The following RHOBTB1 variants were observed in gnomAD, a reference collection of about 807,000 sequenced individuals.
RHOBTB1 encodes the protein rho-related BTB domain-containing protein 1.
RHOBTB1 carries 40 observed loss-of-function variants against 71.6 expected under a neutral mutation model. That is an observed-to-expected ratio of 0.56 (90% CI 0.43 to 0.73). The LOEUF is 0.73. Among genes scored for constraint, RHOBTB1 ranks in the 30% least tolerant of loss-of-function variants. The probability of loss-of-function intolerance (pLI) is 0.00; values close to 1 mark genes in which losing one functional copy is unlikely to be tolerated. For missense variants in RHOBTB1, 797 were observed against 894.0 expected (o/e 0.89, Z 1.38); for synonymous variants, 319 against 334.9 (o/e 0.95, Z 0.52).
Position 60,889,074 on chromosome 10 carries a change from A to G in RHOBTB1, c.594T>C (p.Asp198=). The G allele has an allele frequency of 6.2e-7, 1 of 1,614,166 alleles. No individual in the cohort carries two copies. Among genetic ancestry groups the G allele is most frequent in the Non-Finnish European group, 8.5e-7 (1 of 1,180,016 alleles). The part of the protein sequence containing the change: ...TSVFDQFGIK[D]VFDNAIRAAL... ...CTGCTCGGATTGCATTGTCAAACAC[A>G]TCCTTGATACCAAACTGGTCAAACA... The change falls in exon 6 of 11, where the codon GAT becomes GAC. Residue 198 remains aspartate (D), a synonymous_variant. Transcript: ENST00000337910.
intron 2 of RHOBTB1, among the ~76,000 whole-genome samples, chr10:60,921,467 C>T (rs1000907802): frequency 6.6e-6 from 1 of 152,140 alleles, no homozygotes; most frequent in Admixed American, 6.5e-5. Context: ...AAACATCCTT[C>T]CTTTACACTG....
At chr10:60,922,346 G>A (rs1232373131) in intron 2 of RHOBTB1, among the ~76,000 whole-genome samples, 1 of 152,190 alleles carries the variant, frequency 6.6e-6, no homozygotes, top group Non-Finnish European at 1.5e-5. Flanking sequence ...AGGCAAGATG[G>A]CAATGAAGGC....
At chr10:60,981,523 T>C (rs1024444078) in intron 2 of RHOBTB1, among the ~76,000 whole-genome samples, 25 of 152,132 alleles carry the variant, frequency 1.6e-4, no homozygotes, top group Non-Finnish European at 2.9e-4. Flanking sequence ...TAACCAAGAT[T>C]TTTTCCCCCT....
At chr10:60,957,875 T>C (rs2085648907) in intron 2 of RHOBTB1, among the ~76,000 whole-genome samples, 1 of 152,140 alleles carries the variant, frequency 6.6e-6, no homozygotes, top group African/African-American at 2.4e-5. Context: ...TTAAGTCACT[T>C]GTGCAATACC....
chr10:60,929,062 A>C (rs1403740087), intron 2 of RHOBTB1, among the ~76,000 whole-genome samples: 1 of 152,148 alleles, frequency 6.6e-6, no homozygotes, highest in Non-Finnish European at 1.5e-5. Flanking sequence ...TTAAACAATC[A>C]GATCTCCTGA....
chr10:60,909,083 G>C (rs944056782), intron 4 of RHOBTB1, among the ~76,000 whole-genome samples: 12 of 152,074 alleles, frequency 7.9e-5, no homozygotes. Flanking sequence ...TGTTGGGAGG[G>C]AACACACACG....
In RHOBTB1 at chr10:60,877,980, A is replaced by T; in HGVS notation, c.1654T>A (p.Leu552Met). ...YLYTKQLSPNLDLDPLELIAL... is the reference protein window; with the variant it reads ...YLYTKQLSPNMDLDPLELIAL... ...ATTAATTCCAGCGGGTCCAGATCCA[A>T]GTTAGGAGACAACTGCTTGGTATAG... Residue 552 changes from leucine (L) to methionine (M), a missense_variant, in exon 8 of 11, where the codon TTG (leucine) becomes ATG (methionine). Around this residue, in one of 2 missense-constraint regions of RHOBTB1, gnomAD observed 658 missense variants for 681.5 expected, o/e 0.97. Coordinates refer to ENST00000337910, the MANE Select transcript of RHOBTB1 (RefSeq NM_014836.5). 1 of 1,614,050 alleles carries T rather than the reference A, an allele frequency of 6.2e-7. No homozygotes were observed. Among genetic ancestry groups the T allele is most frequent in the East Asian group, 2.2e-5 (1 of 44,874 alleles).
chr10:60,936,112 T>C (rs1396213984), intron 2 of RHOBTB1, among the ~76,000 whole-genome samples: 1 of 152,248 alleles, frequency 6.6e-6, no homozygotes. Context: ...ATCATCTGGT[T>C]CAGCAAGGAA....
At chr10:60,899,364 C>T (rs990795725) in intron 4 of RHOBTB1, among the ~76,000 whole-genome samples, 3 of 152,192 alleles carry the variant, frequency 2.0e-5, no homozygotes, top group African/African-American at 7.2e-5. Flanking sequence ...CTTTGGCATT[C>T]CCTGAAGCTG....
chr10:60,934,706 C>A (rs902561418), intron 2 of RHOBTB1, among the ~76,000 whole-genome samples: 3 of 152,200 alleles, frequency 2.0e-5, no homozygotes, highest in African/African-American at 7.2e-5. Flanking sequence ...GCCTTTGGCT[C>A]CATGTCCACT....
chr10:60,972,590 C>T lies in RHOBTB1; in HGVS notation c.-62+13255G>A, dbSNP rs532530874. Among the ~76,000 whole-genome samples the T allele has an allele frequency of 1.2e-4, 18 of 152,042 alleles. No homozygotes were observed. The South Asian group carries it at 3.3e-3, about 28-fold the overall frequency. On this transcript the variant is annotated intron_variant, in intron 2 of 11. Coordinates refer to the RHOBTB1 transcript ENST00000357917. ...TAGGAGAAATACCTAATGTAGATGA[C>T]AGGTTGATGGGTGCAGCAAACCACC...
At chr10:60,942,529 T>C (rs2084955477) in intron 1 of RHOBTB1, among the ~76,000 whole-genome samples, 1 of 152,324 alleles carries the variant, frequency 6.6e-6, no homozygotes, top group East Asian at 1.9e-4. Flanking sequence ...CATTAATATG[T>C]CCAAATATGA....
chr10:60,974,404 T>A (rs1489714978), intron 2 of RHOBTB1, among the ~76,000 whole-genome samples: 5 of 152,086 alleles, frequency 3.3e-5, no homozygotes, highest in African/African-American at 1.2e-4. Context: ...TTTTTCAAAT[T>A]TCAAGATAAG....
At chr10:60,911,717 A>G (rs577348037) in intron 2 of RHOBTB1, among the ~76,000 whole-genome samples, 165 bp from the exon 3 acceptor site, 61 of 152,308 alleles carry the variant, frequency 4.0e-4, no homozygotes, top group African/African-American at 1.4e-3. Context: ...ATTGACACTC[A>G]AGTTTTCTTT....
chr10:60,985,406 G>A (rs1419526466), intron 2 of RHOBTB1, among the ~76,000 whole-genome samples: 4 of 152,132 alleles, frequency 2.6e-5, no homozygotes, highest in Non-Finnish European at 2.9e-5. Context: ...CAAAAAGGGC[G>A]GATGCTCCAA....
Position 60,875,000 on chromosome 10 carries a change from C to A in RHOBTB1, c.1769G>T (p.Gly590Val). The A allele has an allele frequency of 6.2e-7, 1 of 1,614,148 alleles. No homozygotes were observed. Among genetic ancestry groups the A allele is most frequent in the Non-Finnish European group, 8.5e-7 (1 of 1,179,988 alleles). Residue 590 changes from glycine (G) to valine (V), a missense_variant, in exon 9 of 11, where the codon GGC (glycine) becomes GTC (valine). Physicochemically the swap from Gly to Val is moderately radical, Grantham distance 109. Coordinates refer to ENST00000337910, the MANE Select transcript of RHOBTB1 (RefSeq NM_014836.5). ...GAGCACTTCTCCGTCAATGCCCACG[C>A]CACTCGTGGCGGCTTTGGTCAACTC... is the stretch of plus-strand genomic sequence containing the variant. ...VQELTKAATSGVGIDGEVLSY... is the reference protein window; with the variant it reads ...VQELTKAATSVVGIDGEVLSY...
chr10:60,953,129 C>T (rs1472323330), intron 2 of RHOBTB1, among the ~76,000 whole-genome samples: 2 of 152,152 alleles, frequency 1.3e-5, no homozygotes, highest in African/African-American at 4.8e-5. Flanking sequence ...CCCATTTCAA[C>T]AGATGGAGTT....
At chr10:60,873,972 G>A (rs140070457) in intron 9 of RHOBTB1, among the ~76,000 whole-genome samples, 6 of 152,294 alleles carry the variant, frequency 3.9e-5, no homozygotes, top group East Asian at 1.9e-4. Context: ...GTTCAATTCC[G>A]CCTTTTCCCC....
upstream of RHOBTB1, among the ~76,000 whole-genome samples, chr10:60,946,792 G>A (rs1467073165): frequency 6.6e-6 from 1 of 152,066 alleles, no homozygotes; most frequent in African/African-American, 2.4e-5. Flanking sequence ...CCACCCCCAG[G>A]GCACACCAAG....
Sources: gnomAD v4.1 joint callset for allele counts (sites outside exome capture counted in the v4.1 genomes callset) on GRCh38, gnomAD v4.1.1 for gene constraint, gnomAD v4.1.1 regional missense constraint, MANE v1.5 for transcripts, NCBI Gene and HGNC (gene_info 2026-07-23, HGNC 2026-07-21) for gene names.